FMN1: variants seen among roughly 807,000 people sequenced by gnomAD.
The protein encoded by FMN1 is formin-1.
FMN1 carries 110 observed loss-of-function variants against 132.4 expected under a neutral mutation model. The observed-to-expected ratio is 0.83, with a 90% CI of 0.71 to 0.97. The LOEUF (loss-of-function observed/expected upper bound fraction) is 0.97. Ranked by LOEUF, FMN1 falls within the 50% of genes least tolerant of loss-of-function variation. FMN1 has a pLI of 0.00. For missense variants in FMN1, 1,792 were observed against 1,705.3 expected, an observed-to-expected ratio of 1.05 and a Z score of -0.90; for synonymous variants, 722 against 651.7, an observed-to-expected ratio of 1.11 and a Z score of -1.64.
At chr15:32,889,873 C>G (rs992073658) in intron 15 of FMN1, among the ~76,000 whole-genome samples, 4 of 152,068 alleles carry the variant, frequency 2.6e-5, no homozygotes, top group Non-Finnish European at 4.4e-5. Flanking sequence ...CCCCTATCGC[C>G]CAAGAAATAT....
intron 16 of FMN1, among the ~76,000 whole-genome samples, chr15:32,878,205 G>A (rs972808584): frequency 6.6e-6 from 1 of 152,186 alleles, no homozygotes; most frequent in Non-Finnish European, 1.5e-5. Flanking sequence ...CAAGTACATC[G>A]TGTTGGAACA....
intron 7 of FMN1, among the ~76,000 whole-genome samples, chr15:33,006,181 G>C (rs2034405832): frequency 6.6e-6 from 1 of 151,894 alleles, no homozygotes; most frequent in South Asian, 2.1e-4. Context: ...AATATTTAAG[G>C]AATTCAAAGG....
chr15:32,976,734 G>A (rs2032236381), intron 7 of FMN1, among the ~76,000 whole-genome samples: 1 of 152,084 alleles, frequency 6.6e-6, no homozygotes. Flanking sequence ...GAAAAGAAGG[G>A]GTAAAGAGTA....
intron 7 of FMN1, among the ~76,000 whole-genome samples, chr15:32,975,064 C>T (rs1370843723): frequency 6.6e-6 from 1 of 152,212 alleles, no homozygotes; most frequent in Non-Finnish European, 1.5e-5. Flanking sequence ...TTCACACATG[C>T]TGTTTCATCT....
At chr15:32,889,477 T>G (rs2059973802) in intron 15 of FMN1, among the ~76,000 whole-genome samples, 1 of 152,184 alleles carries the variant, frequency 6.6e-6, no homozygotes, top group Non-Finnish European at 1.5e-5. Flanking sequence ...AGGCACTTTA[T>G]GATCTGGCCT....
intron 17 of FMN1, among the ~76,000 whole-genome samples, chr15:32,854,891 G>A (rs1384994010): frequency 1.3e-5 from 2 of 150,566 alleles, no homozygotes; most frequent in Admixed American, 6.6e-5. Context: ...TCCAGCCTGG[G>A]CAATGAGGGT....
intron 9 of FMN1, among the ~76,000 whole-genome samples, chr15:32,931,273 C>T (rs2061109335): frequency 2.0e-5 from 3 of 152,126 alleles, no homozygotes; most frequent in Admixed American, 6.6e-5. Context: ...CTGTATGTTG[C>T]TTTGGGGGAA....
intron 7 of FMN1, among the ~76,000 whole-genome samples, chr15:33,002,966 C>T (rs2034202054): frequency 6.6e-6 from 1 of 152,190 alleles, no homozygotes; most frequent in Non-Finnish European, 1.5e-5. Flanking sequence ...ACAAAAACCA[C>T]ATGATTATCT....
intron 7 of FMN1, among the ~76,000 whole-genome samples, chr15:32,990,674 A>G (rs1350280767): frequency 1.3e-5 from 2 of 152,194 alleles, no homozygotes; most frequent in East Asian, 3.8e-4. Context: ...ACACTGCTGT[A>G]AAGAACTGCC....
intron 7 of FMN1, among the ~76,000 whole-genome samples, chr15:32,985,055 T>C (rs1453020632): frequency 6.6e-6 from 1 of 151,330 alleles, no homozygotes; most frequent in Non-Finnish European, 1.5e-5. Context: ...AAATCCCCCA[T>C]TGTATTCATT....
chr15:32,897,874 C>T (rs1180235878), intron 15 of FMN1, among the ~76,000 whole-genome samples: 4 of 152,076 alleles, frequency 2.6e-5, no homozygotes, highest in Non-Finnish European at 4.4e-5. Flanking sequence ...AGAAACAACT[C>T]AGTGGAAGGA....
chr15:32,944,169 T>C (rs2061456078), intron 9 of FMN1, among the ~76,000 whole-genome samples: 1 of 152,206 alleles, frequency 6.6e-6, no homozygotes, highest in South Asian at 2.1e-4. Flanking sequence ...GAATAACCGC[T>C]TCTTTGGAAA....
intron 16 of FMN1, among the ~76,000 whole-genome samples, chr15:32,878,099 G>A (rs2059680994): frequency 6.6e-6 from 1 of 152,202 alleles, no homozygotes; most frequent in Non-Finnish European, 1.5e-5. Context: ...GCCTCCTGAA[G>A]AGTGGGTGGG....
intron 6 of FMN1, among the ~76,000 whole-genome samples, chr15:33,025,100 G>T (rs977861539): frequency 6.6e-6 from 1 of 152,064 alleles, no homozygotes; most frequent in Non-Finnish European, 1.5e-5. Flanking sequence ...AAGTGGCTGG[G>T]GTAGGGCATA....
chr15:33,113,184 T>C (rs2039778387), intron 4 of FMN1, among the ~76,000 whole-genome samples: 1 of 152,206 alleles, frequency 6.6e-6, no homozygotes, highest in African/African-American at 2.4e-5. Flanking sequence ...ACCTGTGTAC[T>C]GTGTGATCAT....
chr15:33,126,375 C>T (rs1050476380), intron 4 of FMN1, among the ~76,000 whole-genome samples: 2 of 152,232 alleles, frequency 1.3e-5, no homozygotes, highest in African/African-American at 2.4e-5. Context: ...CAGAGCAGCA[C>T]GCAGTGTGCA....
chr15:33,163,350 A>C (rs1383170872), intron 3 of FMN1, among the ~76,000 whole-genome samples: 1 of 150,466 alleles, frequency 6.6e-6, no homozygotes, highest in Non-Finnish European at 1.5e-5. Context: ...GCTGGAGCGC[A>C]ATGGCACAAT....
At chr15:32,931,953 T>G (rs1308153635) in intron 9 of FMN1, among the ~76,000 whole-genome samples, 2 of 152,250 alleles carry the variant, frequency 1.3e-5, no homozygotes, top group African/African-American at 4.8e-5. Flanking sequence ...TTTTTTCAAA[T>G]GCTTTTTCTG....
chr15:33,082,649 T>C (rs2141332417), intron 5 of FMN1, among the ~76,000 whole-genome samples: 1 of 152,282 alleles, frequency 6.6e-6, no homozygotes, highest in African/African-American at 2.4e-5. Context: ...GAAAGTGCCC[T>C]AGGACCTGAG....
Sources: gnomAD v4.1 joint callset for allele counts (sites outside exome capture counted in the v4.1 genomes callset) on GRCh38, gnomAD v4.1.1 for gene constraint, MANE v1.5 for transcripts, NCBI Gene and HGNC (gene_info 2026-07-23, HGNC 2026-07-21) for gene names.